The following CDH3 variants were observed in gnomAD, a reference collection of about 807,000 sequenced individuals.
CDH3 encodes cadherin 3.
CDH3 carries 54 observed loss-of-function variants against 82.0 expected under a neutral mutation model. The observed-to-expected ratio is 0.66, with a 90% CI of 0.53 to 0.83. The LOEUF is 0.83. Ranked by LOEUF, CDH3 falls within the 40% of genes least tolerant of loss-of-function variation. CDH3 has a pLI of 0.00. For missense variants in CDH3, 1,054 were observed against 1,084.6 expected (o/e 0.97, Z 0.40); for synonymous variants, 446 against 437.9 (o/e 1.02, Z -0.23).
chr16:68,701,014 G>A (rs1961886101), downstream of CDH3, among the ~76,000 whole-genome samples: 1 of 152,188 alleles, frequency 6.6e-6, no homozygotes, highest in African/African-American at 2.4e-5. Flanking sequence ...AGGATTGGGT[G>A]TCTCTGCTAG....
chr16:68,658,783 C>T (rs922481204), intron 2 of CDH3, among the ~76,000 whole-genome samples: 1 of 152,168 alleles, frequency 6.6e-6, no homozygotes, highest in African/African-American at 2.4e-5. Flanking sequence ...CTCCTGCATT[C>T]CTCAGCTGGG....
downstream of CDH3, among the ~76,000 whole-genome samples, chr16:68,704,669 T>C (rs974257089): frequency 6.6e-6 from 1 of 152,260 alleles, no homozygotes; most frequent in African/African-American, 2.4e-5. Context: ...CGGAACGGCC[T>C]TGGACACTGA....
In CDH3 at chr16:68,684,847, A is replaced by G. The variant is rs2281850; in HGVS notation, c.1424+23A>G. On this transcript the variant is annotated intron_variant, in intron 10 of 15. Transcript: ENST00000264012. Reference sequence around the variant, plus strand: ...CAGGTACTCAGGAGCTGGGCTCAGTAAGCAGCACGTACTGGTACAGTTGGT... The same window carrying G: ...CAGGTACTCAGGAGCTGGGCTCAGTGAGCAGCACGTACTGGTACAGTTGGT... 982,519 of 1,613,152 alleles carry G rather than the reference A, an allele frequency of 0.61. 300,739 individuals are homozygous for G. Among genetic ancestry groups the G allele is most frequent in the African/African-American group, 0.67 (50,177 of 74,966 alleles).
At chr16:68,668,724 C>T (rs144912295) in intron 2 of CDH3, among the ~76,000 whole-genome samples, 34 of 152,270 alleles carry the variant, frequency 2.2e-4, no homozygotes, top group Admixed American at 4.6e-4. Context: ...CAGCTTCATC[C>T]GTTGAGTAAA....
intron 15 of CDH3, among the ~76,000 whole-genome samples, chr16:68,697,606 T>G (rs1961768910): frequency 6.6e-6 from 1 of 152,178 alleles, no homozygotes. Flanking sequence ...TGTGATATAA[T>G]TGAACTGGGT....
At chr16:68,677,628 C>T (rs1055088434) in intron 3 of CDH3, among the ~76,000 whole-genome samples, 6 of 152,298 alleles carry the variant, frequency 3.9e-5, no homozygotes, top group Admixed American at 6.5e-5. Flanking sequence ...ATCCCAGCTA[C>T]TCAGGAGGCT....
At chr16:68,656,349 T>C (rs1322416604) in intron 2 of CDH3, among the ~76,000 whole-genome samples, 1 of 152,120 alleles carries the variant, frequency 6.6e-6, no homozygotes, top group East Asian at 1.9e-4. Context: ...TGGAGGACCA[T>C]GTCTGCCTCA....
chr16:68,678,936 G>A (rs781586467), intron 6 of CDH3, 30 bp downstream of exon 6: 31 of 1,611,126 alleles, frequency 1.9e-5, no homozygotes, highest in Non-Finnish European at 2.6e-5. Context: ...GACTGCTACG[G>A]GGCTGGGCCC....
chr16:68,729,897 G>A (rs147276401), downstream of CDH3, among the ~76,000 whole-genome samples: 1 of 152,122 alleles, frequency 6.6e-6, no homozygotes, highest in East Asian at 1.9e-4. Context: ...ACCTCCTAAA[G>A]TGCTGGGACT....
intron 2 of CDH3, among the ~76,000 whole-genome samples, chr16:68,649,516 C>G (rs1456097314): frequency 6.6e-6 from 1 of 152,244 alleles, no homozygotes; most frequent in Non-Finnish European, 1.5e-5. Context: ...AACGAAGTCC[C>G]TGCCCTTGGG....
chr16:68,722,934 C>T (rs939238316), intron 2 of CDH3, among the ~76,000 whole-genome samples: 24 of 152,104 alleles, frequency 1.6e-4, no homozygotes, highest in Non-Finnish European at 2.9e-4. Flanking sequence ...GCTGGGATTA[C>T]AGGCACCCAC....
chr16:68,691,817 G>A lies in CDH3; in HGVS notation c.1893G>A (p.Thr631=), dbSNP rs775074544. The change falls in exon 13 of 16, where the codon ACG becomes ACA. Residue 631 remains threonine (T), a synonymous_variant. Transcript: ENST00000264012. ...ACCATGGCAACAAAGAGCAGCTGAC[G>A]GTGATCAGGGCCACTGTGTGCGACT... ...LSDHGNKEQL[T]VIRATVCDCH... 8.4e-5 allele frequency: 135 copies of A among 1,614,014 alleles called. No homozygotes were observed. Among genetic ancestry groups the A allele is most frequent in the Middle Eastern group, 3.3e-4 (2 of 6,082 alleles).
intron 1 of CDH3, among the ~76,000 whole-genome samples, chr16:68,715,693 G>A (rs1315758305): frequency 6.6e-6 from 1 of 152,174 alleles, no homozygotes; most frequent in Non-Finnish European, 1.5e-5. Flanking sequence ...CCCACTTCCT[G>A]CCACCCCACA....
intron 3 of CDH3, 141 bp from the exon 4 acceptor site, chr16:68,677,993 C>A: frequency 1.3e-6 from 1 of 782,354 alleles, no homozygotes; most frequent in South Asian, 1.4e-5. Context: ...AACTCCTGGG[C>A]TCAAGTGACC....
At chr16:68,685,408 A>T (rs1462706857) in intron 11 of CDH3, 58 bp downstream of exon 11, 1 of 1,562,716 alleles carries the variant, frequency 6.4e-7, no homozygotes, top group African/African-American at 1.4e-5. Flanking sequence ...AGGTCACATG[A>T]CACAGCACAG....
At chr16:68,646,199 T>A (rs1960056802) in intron 2 of CDH3, 1 of 183,704 alleles carries the variant, frequency 5.4e-6, no homozygotes, top group East Asian at 1.5e-4. Flanking sequence ...ACAGACCGGG[T>A]CTGTTTCTTT....
At chr16:68,723,795 C>T (rs1025593009) in intron 2 of CDH3, among the ~76,000 whole-genome samples, 10 of 152,100 alleles carry the variant, frequency 6.6e-5, no homozygotes, top group African/African-American at 1.7e-4. Flanking sequence ...TGAGGCCGGG[C>T]GCGGTGGCTC....
chr16:68,685,284 G>A lies in CDH3; in HGVS notation c.1504G>A (p.Asp502Asn), dbSNP rs750498455. The stretch of plus-strand genomic sequence containing the variant: ...GCAGGTCACAGCTGTGGGCACCCTC[G>A]ACCGTGAGGATGAGCAGTTTGTGAG... ...SGQVTAVGTL[D>N]REDEQFVRNN... Residue 502 changes from aspartate to asparagine, a missense_variant, in exon 11 of 16, where the codon GAC becomes AAC. Physicochemically the swap from Asp to Asn is conservative, Grantham distance 23. Transcript: ENST00000264012. 15 of 1,613,962 alleles carry A rather than the reference G, an allele frequency of 9.3e-6. No homozygotes were observed. The highest frequency in any genetic ancestry group is 2.2e-5 in the East Asian group (1 of 44,898).
At chr16:68,672,197 A>AAAAT (rs201192303) in intron 2 of CDH3, among the ~76,000 whole-genome samples, 641 of 52,806 alleles carry the variant, frequency 0.012, 10 homozygotes, top group African/African-American at 0.028. Flanking sequence ...TCTCAAAAAA[A>AAAAT]AAAAAAATAA....
Sources: allele counts gnomAD v4.1 joint callset (sites outside exome capture counted in the v4.1 genomes callset), GRCh38; gene constraint gnomAD v4.1.1; transcripts MANE v1.5; gene names NCBI Gene and HGNC (gene_info 2026-07-23, HGNC 2026-07-21).